The following CD302 variants were observed in gnomAD, a reference collection of about 807,000 sequenced individuals.
CD302 encodes CD302 molecule, also known as CD302 antigen.
In CD302, 23 loss-of-function variants were observed where a neutral mutation model predicts 26.5. That is an observed-to-expected ratio of 0.87 (90% CI 0.62 to 1.23). The LOEUF (loss-of-function observed/expected upper bound fraction) is 1.23. Ranked by LOEUF, CD302 falls within the 50% of genes most tolerant of loss-of-function variation. The pLI, the probability that CD302 is intolerant of heterozygous loss-of-function variation, is 0.00. For missense variants in CD302, 290 were observed against 275.5 expected, an observed-to-expected ratio of 1.05 and a Z score of -0.37; for synonymous variants, 90 against 99.4, an observed-to-expected ratio of 0.91 and a Z score of 0.56.
chr2:159,779,246 A>AAC (rs1553792362), intron 4 of CD302, among the ~76,000 whole-genome samples: 34 of 151,400 alleles, frequency 2.2e-4, no homozygotes, highest in African/African-American at 7.7e-4. Context: ...AAAAAAAAAA[A>AAC]AAAAAAAAAA....
chr2:159,776,030 T>TTTTTTTTTTTTTTTTTA (rs55987429), intron 5 of CD302, among the ~76,000 whole-genome samples: 1 of 146,330 alleles, frequency 6.8e-6, no homozygotes, highest in African/African-American at 2.5e-5. Context: ...TTTTTTTTTT[T>TTTTTTTTTTTTTTTTTA]AAAGTAGAGT....
At chr2:159,784,804 C>G (rs780542843) in intron 1 of CD302, among the ~76,000 whole-genome samples, 1 of 151,974 alleles carries the variant, frequency 6.6e-6, no homozygotes. Flanking sequence ...ATTGGTTGTC[C>G]CCAGTACTGA....
intron 1 of CD302, 79 bp downstream of exon 1, chr2:159,798,053 C>T (rs985533517): frequency 1.5e-6 from 2 of 1,362,014 alleles, no homozygotes; most frequent in Non-Finnish European, 2.0e-6. Context: ...CTCGGGTGCG[C>T]GGGGACGAAG....
At chr2:159,781,210 T>C (rs900617730) in intron 2 of CD302, among the ~76,000 whole-genome samples, 1 of 152,192 alleles carries the variant, frequency 6.6e-6, no homozygotes, top group Non-Finnish European at 1.5e-5. Context: ...TGAAATTATG[T>C]TTATGTCTCA....
chr2:159,795,906 G>C (rs1170085863), intron 1 of CD302, among the ~76,000 whole-genome samples: 2 of 152,184 alleles, frequency 1.3e-5, no homozygotes, highest in Admixed American at 1.3e-4. Context: ...GCTCATGCCA[G>C]GCATAGGAAA....
intron 5 of CD302, among the ~76,000 whole-genome samples, chr2:159,775,842 A>G (rs1216961673): frequency 6.6e-6 from 1 of 151,466 alleles, no homozygotes; most frequent in Non-Finnish European, 1.5e-5. Flanking sequence ...ACCTCATACT[A>G]TAGGTAAGAA....
chr2:159,777,069 T>C (rs1000071193), intron 5 of CD302, among the ~76,000 whole-genome samples: 1 of 151,108 alleles, frequency 6.6e-6, no homozygotes, highest in Admixed American at 6.6e-5. Flanking sequence ...CTAGCCTGGG[T>C]AACATGGTGA....
intron 1 of CD302, among the ~76,000 whole-genome samples, chr2:159,794,517 AATTAATTT>A (rs1224435777): frequency 4.6e-5 from 1 of 21,678 alleles, no homozygotes; most frequent in Non-Finnish European, 8.9e-5. Context: ...TTTCAAAATT[AATTAATTT>A]ATTTATTTAT....
intron 1 of CD302, among the ~76,000 whole-genome samples, chr2:159,794,097 CAA>C (rs549235973): frequency 1.4e-3 from 149 of 106,888 alleles, no homozygotes; most frequent in Admixed American, 4.2e-3. Flanking sequence ...CCCACCTCTA[CAA>C]AAAAAAAAAA....
chr2:159,787,736 G>A (rs1708704882), intron 1 of CD302, among the ~76,000 whole-genome samples: 1 of 152,090 alleles, frequency 6.6e-6, no homozygotes, highest in African/African-American at 2.4e-5. Flanking sequence ...TACTGACTGG[G>A]ATAATTTTCC....
At chr2:159,790,442 C>T (rs1708778417) in intron 1 of CD302, among the ~76,000 whole-genome samples, 2 of 152,120 alleles carry the variant, frequency 1.3e-5, no homozygotes, top group South Asian at 4.1e-4. Context: ...AGTAAGGTCT[C>T]CATAAATATT....
Position 159,780,067 on chromosome 2 carries a change from C to A in CD302, c.407G>T (p.Gly136Val). 2 of 1,614,108 alleles carry A rather than the reference C, an allele frequency of 1.2e-6. No individual in the cohort carries two copies. The highest frequency in any genetic ancestry group is 1.7e-6 in the Non-Finnish European group (2 of 1,180,002). Residue 136 changes from glycine to valine, a missense_variant, in exon 4 of 6, where the codon GGT (glycine) becomes GTT (valine). Transcript: ENST00000259053. The stretch of plus-strand genomic sequence containing the variant: ...TTCACAATTTCCTTTTTTCCATTCA[C>A]CTGTCTTGATGTGCAGAAAAGCACA... ...DTCAFLHIKT[G>V]EWKKGNCEVS...
At chr2:159,790,207 A>G (rs1336392135) in intron 1 of CD302, among the ~76,000 whole-genome samples, 2 of 152,222 alleles carry the variant, frequency 1.3e-5, no homozygotes, top group Non-Finnish European at 2.9e-5. Context: ...GTCTGATGGA[A>G]GAGTCGGACA....
At chr2:159,796,998 A>G (rs1682445520) in intron 1 of CD302, among the ~76,000 whole-genome samples, 1 of 152,176 alleles carries the variant, frequency 6.6e-6, no homozygotes, top group South Asian at 2.1e-4. Context: ...AGTCTGAACA[A>G]TGTGAACATG....
chr2:159,768,920 C>A lies in CD302; in HGVS notation c.*2931G>T, dbSNP rs918230208. The A allele has an allele frequency of 3.3e-5, 5 of 152,114 alleles. No homozygotes were observed. The highest frequency in any genetic ancestry group is 1.2e-4 in the African/African-American group (5 of 41,448). 9.4% of individuals were successfully genotyped at this position (152,114 alleles called of 1,614,324 possible). On this transcript the variant is annotated 3_prime_UTR_variant, in exon 6 of 6. Transcript: ENST00000259053. Reference sequence around the variant, plus strand: ...GGTACAAAACATTCATTGGTATGCACATAATTCTGTATAGTTTTGTTATTA... The same window carrying A: ...GGTACAAAACATTCATTGGTATGCAAATAATTCTGTATAGTTTTGTTATTA...
At chr2:159,783,116 A>G (rs1337349764) in intron 2 of CD302, among the ~76,000 whole-genome samples, 2 of 152,266 alleles carry the variant, frequency 1.3e-5, no homozygotes, top group African/African-American at 4.8e-5. Flanking sequence ...TGCCTGGCAC[A>G]GGATATGCAT....
At chr2:159,780,795 T>G in intron 3 of CD302, 87 bp downstream of exon 3, 1 of 1,259,186 alleles carries the variant, frequency 7.9e-7, no homozygotes, top group Non-Finnish European at 1.1e-6. Flanking sequence ...AATCATCAAC[T>G]TGAACCAGAG....
intron 1 of CD302, among the ~76,000 whole-genome samples, chr2:159,789,640 G>A (rs1411833431): frequency 1.3e-5 from 2 of 151,662 alleles, no homozygotes; most frequent in African/African-American, 2.4e-5. Flanking sequence ...TCTAAATGAT[G>A]TTATCTTCCT....
At chr2:159,778,093 TA>T in intron 4 of CD302, 129 bp from the exon 5 acceptor site, 1 of 340,290 alleles carries the variant, frequency 2.9e-6, no homozygotes. Context: ...ATTCATAGCC[TA>T]AAATCCATAT....
Sources: allele counts gnomAD v4.1 joint callset (sites outside exome capture counted in the v4.1 genomes callset), GRCh38; gene constraint gnomAD v4.1.1; transcripts MANE v1.5; gene names NCBI Gene and HGNC (gene_info 2026-07-23, HGNC 2026-07-21).